GMDS: variants seen among roughly 807,000 people sequenced by gnomAD.
GMDS encodes GDP-mannose 4,6 dehydratase.
Under a neutral mutation model 49.9 loss-of-function variants are expected in GMDS, and 20 were observed. The observed-to-expected ratio is 0.40, with a 90% CI of 0.28 to 0.58. GMDS has a LOEUF of 0.58. GMDS is among the 20% of genes least tolerant of loss of function. The probability of loss-of-function intolerance (pLI) is 0.42; values close to 1 mark genes in which losing one functional copy is unlikely to be tolerated. For synonymous variants in GMDS, 177 were observed against 178.6 expected (o/e 0.99, Z 0.07); for missense variants, 362 against 481.4 (o/e 0.75, Z 2.32).
At chr6:2,136,529 C>T (rs1325663147) in intron 1 of GMDS, among the ~76,000 whole-genome samples, 1 of 152,154 alleles carries the variant, frequency 6.6e-6, no homozygotes, top group Non-Finnish European at 1.5e-5. Context: ...CAAGGCCTCC[C>T]TGGGCAACAT....
At chr6:1,932,285 T>C (rs899407934) in intron 6 of GMDS, among the ~76,000 whole-genome samples, 2 of 152,198 alleles carry the variant, frequency 1.3e-5, no homozygotes, top group African/African-American at 2.4e-5. Context: ...GCTCTTTAGA[T>C]GGGGTAACTC....
chr6:2,181,270 C>A (rs1397126755), intron 1 of GMDS, among the ~76,000 whole-genome samples: 5 of 151,804 alleles, frequency 3.3e-5, no homozygotes, highest in Non-Finnish European at 2.9e-5. Flanking sequence ...TAACTAATAC[C>A]TCTCAATTCC....
At chr6:2,055,282 G>A (rs1770714400) in intron 4 of GMDS, among the ~76,000 whole-genome samples, 1 of 151,682 alleles carries the variant, frequency 6.6e-6, no homozygotes, top group South Asian at 2.1e-4. Context: ...GAGAGAGAAT[G>A]AGGCAGAAGA....
intron 4 of GMDS, among the ~76,000 whole-genome samples, chr6:2,067,672 A>G (rs1298746583): frequency 2.6e-4 from 39 of 152,206 alleles, no homozygotes; most frequent in Non-Finnish European, 2.9e-4. Context: ...TAGAAGAAAC[A>G]GATAAATTCC....
At chr6:1,861,221 ACAT>A (rs1758167684) in intron 7 of GMDS, among the ~76,000 whole-genome samples, 1 of 152,222 alleles carries the variant, frequency 6.6e-6, no homozygotes, top group Non-Finnish European at 1.5e-5. Context: ...AAGCCGACTG[ACAT>A]CTCTAAAGTT....
At chr6:2,157,833 A>C (rs1168039887) in intron 1 of GMDS, among the ~76,000 whole-genome samples, 1 of 152,226 alleles carries the variant, frequency 6.6e-6, no homozygotes, top group Non-Finnish European at 1.5e-5. Flanking sequence ...GCCTAAACTA[A>C]TGCTGGCACT....
intron 2 of GMDS, among the ~76,000 whole-genome samples, chr6:2,121,084 T>A (rs906089503): frequency 1.3e-5 from 2 of 152,018 alleles, no homozygotes; most frequent in African/African-American, 4.8e-5. Flanking sequence ...CTCAGAGGGG[T>A]TGAGTGACTT....
intron 9 of GMDS, among the ~76,000 whole-genome samples, chr6:1,681,010 GA>G (rs1403076825): frequency 3.9e-5 from 6 of 152,108 alleles, no homozygotes; most frequent in African/African-American, 7.2e-5. Context: ...AGGATAAAAA[GA>G]AAGAAGTAAC....
Position 2,139,992 on chromosome 6 carries a change from G to A in GMDS, c.103-15261C>T, listed in dbSNP as rs187742462. ...GGTGTGCGAAGCGCGAGCAAAGTGT[G>A]TTTAGCCATGAACAGGTAAAGTGAG... On this transcript the variant is annotated intron_variant, in intron 1 of 10. Transcript: ENST00000380815. Among the ~76,000 whole-genome samples, 928 of 152,288 alleles carry A rather than the reference G, an allele frequency of 6.1e-3. 15 individuals are homozygous for A. The highest frequency in any genetic ancestry group is 9.4e-3 in the Non-Finnish European group (642 of 68,030).
At chr6:1,691,367 G>A (rs566232620) in intron 9 of GMDS, among the ~76,000 whole-genome samples, 1 of 152,192 alleles carries the variant, frequency 6.6e-6, no homozygotes, top group Admixed American at 6.5e-5. Context: ...GGGGGGTGTG[G>A]GGGAGGGAGA....
chr6:2,063,755 A>C (rs1771337985), intron 4 of GMDS, among the ~76,000 whole-genome samples: 4 of 152,210 alleles, frequency 2.6e-5, no homozygotes, highest in African/African-American at 9.7e-5. Context: ...GCCCTAAATA[A>C]TATCCCACCT....
At chr6:1,875,464 C>T (rs546006838) in intron 7 of GMDS, among the ~76,000 whole-genome samples, 2 of 152,188 alleles carry the variant, frequency 1.3e-5, no homozygotes, top group South Asian at 2.1e-4. Context: ...CACACTCCCC[C>T]GCCGACACAC....
chr6:1,711,201 G>T (rs1765947826), intron 9 of GMDS, among the ~76,000 whole-genome samples: 2 of 152,240 alleles, frequency 1.3e-5, no homozygotes, highest in Admixed American at 6.5e-5. Context: ...ATCATTCCCT[G>T]ACTGCAGCCC....
At chr6:1,832,589 C>A (rs1329647830) in intron 7 of GMDS, among the ~76,000 whole-genome samples, 2 of 152,010 alleles carry the variant, frequency 1.3e-5, no homozygotes, top group Non-Finnish European at 2.9e-5. Context: ...TCCGGACTCA[C>A]TGGATGTTCA....
Position 1,999,988 on chromosome 6 carries a change from TA to T in GMDS, c.346-39023del, listed in dbSNP as rs1561961826. ...ATATATATTATATATATATTTTATA[TA>T]TATATATTATATATATATATTTTTT... On this transcript the variant is annotated intron_variant, in intron 4 of 10. Coordinates refer to ENST00000380815, the MANE Select transcript of GMDS (RefSeq NM_001500.4). 2.0e-3 allele frequency among the ~76,000 whole-genome samples: 28 copies of T among 14,304 alleles called. 2 individuals carry two copies. Among genetic ancestry groups the T allele is most frequent in the Admixed American group, 2.6e-3 (2 of 760 alleles). The allele number at this position is 14,304 out of a possible 152,430, so 9.4% of individuals were successfully genotyped here.
intron 7 of GMDS, among the ~76,000 whole-genome samples, chr6:1,899,214 T>C (rs1760373904): frequency 6.6e-6 from 1 of 152,138 alleles, no homozygotes; most frequent in Non-Finnish European, 1.5e-5. Context: ...AATTAGATAG[T>C]CATTTATGGT....
At chr6:2,060,491 C>T (rs76881436) in intron 4 of GMDS, among the ~76,000 whole-genome samples, 2,638 of 152,214 alleles carry the variant, frequency 0.017, 59 homozygotes, top group African/African-American at 0.047. Flanking sequence ...CGATGGGCCA[C>T]CACCATTTGA....
intron 7 of GMDS, among the ~76,000 whole-genome samples, chr6:1,787,923 G>T (rs1769386261): frequency 6.6e-6 from 1 of 152,206 alleles, no homozygotes; most frequent in African/African-American, 2.4e-5. Context: ...GGTGCTGGAG[G>T]TGCGGCTAGT....
chr6:1,632,421 G>T (rs759992550), intron 9 of GMDS, among the ~76,000 whole-genome samples: 6 of 152,202 alleles, frequency 3.9e-5, no homozygotes, highest in Non-Finnish European at 7.4e-5. Flanking sequence ...GGAGGACAGG[G>T]GAGGAGTACT....
Sources: gnomAD v4.1 joint callset for allele counts (sites outside exome capture counted in the v4.1 genomes callset) on GRCh38, gnomAD v4.1.1 for gene constraint, MANE v1.5 for transcripts, NCBI Gene and HGNC (gene_info 2026-07-23, HGNC 2026-07-21) for gene names.